The following STAU2 variants were observed in gnomAD, a reference collection of about 807,000 sequenced individuals.
The protein encoded by STAU2 is staufen double-stranded RNA binding protein 2, also known as double-stranded RNA-binding protein Staufen homolog 2.
Under a neutral mutation model 65.9 loss-of-function variants are expected in STAU2, and 20 were observed. The ratio of observed to expected loss-of-function variants is 0.30; its 90% CI spans 0.21 to 0.44. STAU2 has a LOEUF of 0.44. STAU2 is among the 20% of genes least tolerant of loss of function. The pLI is 1.00. For missense variants in STAU2, 558 were observed against 683.9 expected (o/e 0.82, Z 2.05); for synonymous variants, 232 against 233.9 (o/e 0.99, Z 0.07).
At chr8:73,685,397 A>T (rs903061912) in intron 5 of STAU2, among the ~76,000 whole-genome samples, 13 of 140,956 alleles carry the variant, frequency 9.2e-5, no homozygotes, top group Admixed American at 1.4e-4. Context: ...TTTTTTTTTG[A>T]GATGGAGCCT....
intron 12 of STAU2, among the ~76,000 whole-genome samples, chr8:73,574,911 TA>T (rs1297283847): frequency 6.6e-6 from 1 of 151,148 alleles, no homozygotes; most frequent in African/African-American, 2.4e-5. Context: ...TATAATAAAA[TA>T]AATAAATAAA....
Position 73,552,162 on chromosome 8 carries a change from A to G in STAU2, c.1380T>C (p.Ser460=). The G allele has an allele frequency of 6.2e-7, 1 of 1,613,980 alleles. No homozygotes were observed. The highest frequency in any genetic ancestry group is 8.5e-7 in the Non-Finnish European group (1 of 1,179,872). ...GGAGTTCCCTGGCAATTGTAGCTGAACTATTCGATGTGGGAGATATACTGA... is the reference window on the plus strand; with the variant it reads ...GGAGTTCCCTGGCAATTGTAGCTGAGCTATTCGATGTGGGAGATATACTGA... ...SFFSISPTSN[S]SATIARELLM... Residue 460 remains serine, a synonymous_variant, in exon 13 of 15, where the codon AGT becomes AGC. Transcript: ENST00000524300.
intron 13 of STAU2, among the ~76,000 whole-genome samples, chr8:73,543,158 C>T (rs1806662103): frequency 6.6e-6 from 1 of 152,038 alleles, no homozygotes; most frequent in African/African-American, 2.4e-5. Flanking sequence ...GTGAAAGATG[C>T]CAGATACAAA....
At chr8:73,729,186 G>T (rs925958811) in intron 3 of STAU2, among the ~76,000 whole-genome samples, 3 of 152,152 alleles carry the variant, frequency 2.0e-5, no homozygotes, top group Non-Finnish European at 4.4e-5. Flanking sequence ...AAACAATCAC[G>T]TGGGGGTTTT....
At chr8:73,513,497 G>A (rs1769706653) in intron 13 of STAU2, among the ~76,000 whole-genome samples, 1 of 152,068 alleles carries the variant, frequency 6.6e-6, no homozygotes, top group South Asian at 2.1e-4. Context: ...TTTCTGCCAG[G>A]CCTTTTTGCA....
intron 12 of STAU2, among the ~76,000 whole-genome samples, chr8:73,572,738 G>A (rs1450931215): frequency 2.0e-5 from 3 of 152,236 alleles, no homozygotes; most frequent in South Asian, 2.1e-4. Context: ...GGTATTGATG[G>A]GATGTATCTC....
At chr8:73,515,292 C>T (rs1489548705) in intron 13 of STAU2, among the ~76,000 whole-genome samples, 1 of 152,134 alleles carries the variant, frequency 6.6e-6, no homozygotes, top group East Asian at 1.9e-4. Context: ...AGCTATTTGC[C>T]ATGTGGAATG....
intron 12 of STAU2, among the ~76,000 whole-genome samples, chr8:73,566,568 T>C (rs929991566): frequency 6.6e-6 from 1 of 152,234 alleles, no homozygotes; most frequent in Admixed American, 6.5e-5. Flanking sequence ...ATTCTCTTTT[T>C]TTCCTTTAAT....
At chr8:73,615,354 A>G (rs1812755679) in intron 8 of STAU2, among the ~76,000 whole-genome samples, 1 of 152,190 alleles carries the variant, frequency 6.6e-6, no homozygotes. Flanking sequence ...ACTTGAATAA[A>G]TTTAATTTAA....
chr8:73,618,538 G>A (rs1020934396), intron 6 of STAU2, among the ~76,000 whole-genome samples: 20 of 152,180 alleles, frequency 1.3e-4, no homozygotes, highest in Non-Finnish European at 5.9e-5. Context: ...GAGGTGGCAA[G>A]ATTCCATAGG....
At chr8:73,536,560 A>G (rs1322174455) in intron 13 of STAU2, among the ~76,000 whole-genome samples, 1 of 152,126 alleles carries the variant, frequency 6.6e-6, no homozygotes, top group Non-Finnish European at 1.5e-5. Context: ...TTTCCTTGCT[A>G]AAGTTGTGAC....
At chr8:73,738,087 T>C (rs757009229) in intron 3 of STAU2, among the ~76,000 whole-genome samples, 197 bp downstream of exon 3, 3 of 152,168 alleles carry the variant, frequency 2.0e-5, no homozygotes, top group African/African-American at 7.2e-5. Context: ...CCAGAAGTTA[T>C]CAACTTTCAG....
chr8:73,687,267 T>TTTATAAATA, intron 5 of STAU2, among the ~76,000 whole-genome samples: 3 of 100,950 alleles, frequency 3.0e-5, no homozygotes, highest in African/African-American at 3.9e-5. Flanking sequence ...TATATTTCTA[T>TTTATAAATA]TAATTTACAT....
chr8:73,426,102 C>CT (rs2128879733), intron 13 of STAU2, among the ~76,000 whole-genome samples: 1 of 152,234 alleles, frequency 6.6e-6, no homozygotes, highest in East Asian at 1.9e-4. Context: ...CTCCATATCA[C>CT]TTAGTATCCT....
intron 13 of STAU2, among the ~76,000 whole-genome samples, chr8:73,477,889 T>C (rs1820397922): frequency 6.6e-6 from 1 of 152,146 alleles, no homozygotes; most frequent in Non-Finnish European, 1.5e-5. Flanking sequence ...CATGTTGAGA[T>C]AAAAAGTTGA....
At chr8:73,669,130 T>C (rs1236632675) in intron 6 of STAU2, 2 of 701,560 alleles carry the variant, frequency 2.9e-6, no homozygotes, top group Admixed American at 2.0e-5. Flanking sequence ...AAAATAAATA[T>C]GAGAAATCAT....
At chr8:73,723,801 CTG>C (rs1456642018) in intron 3 of STAU2, among the ~76,000 whole-genome samples, 1 of 152,194 alleles carries the variant, frequency 6.6e-6, no homozygotes, top group African/African-American at 2.4e-5. Flanking sequence ...ATTCTATCAT[CTG>C]TGTCAGTTCT....
chr8:73,702,597 A>T (rs1820192801), intron 4 of STAU2, among the ~76,000 whole-genome samples: 1 of 152,178 alleles, frequency 6.6e-6, no homozygotes, highest in Non-Finnish European at 1.5e-5. Context: ...TAAAAAAGAG[A>T]CAAAGAATAT....
chr8:73,699,005 A>G (rs1179975598), intron 4 of STAU2, among the ~76,000 whole-genome samples: 3 of 152,072 alleles, frequency 2.0e-5, no homozygotes, highest in Non-Finnish European at 2.9e-5. Flanking sequence ...ACTGACCACA[A>G]TGGAATAAAA....
Sources: gnomAD v4.1 joint callset for allele counts (sites outside exome capture counted in the v4.1 genomes callset) on GRCh38, gnomAD v4.1.1 for gene constraint, MANE v1.5 for transcripts, NCBI Gene and HGNC (gene_info 2026-07-23, HGNC 2026-07-21) for gene names.